ZFYVE21: variants seen among roughly 807,000 people sequenced by gnomAD.
The protein encoded by ZFYVE21 is zinc finger FYVE-type containing 21, also known as zinc finger FYVE domain-containing protein 21.
ZFYVE21 carries 21 observed loss-of-function variants against 29.5 expected under a neutral mutation model. That is an observed-to-expected ratio of 0.71 (90% CI 0.50 to 1.02). The LOEUF (loss-of-function observed/expected upper bound fraction) is 1.02, where lower values mean the gene tolerates loss of function less well. ZFYVE21 is among the 50% of genes least tolerant of loss of function. The pLI is 0.00. For synonymous variants in ZFYVE21, 151 were observed against 133.8 expected, an observed-to-expected ratio of 1.13 and a Z score of -0.89; for missense variants, 326 against 335.4, an observed-to-expected ratio of 0.97 and a Z score of 0.22.
rs918819299 is a variant in ZFYVE21, at chr14:103,733,371, A to C, written c.*353A>C. The stretch of plus-strand genomic sequence containing the variant: ...TGGCCCATCAATATTCATTTCATTT[A>C]ATTCTTCCACAGAACCAGTTTGGGC... On this transcript the variant is annotated 3_prime_UTR_variant, in exon 7 of 7. Coordinates refer to ENST00000311141, the MANE Select transcript of ZFYVE21 (RefSeq NM_024071.4). The C allele has an allele frequency of 9.5e-6, 2 of 210,902 alleles. No individual in the cohort carries two copies. The highest frequency in any genetic ancestry group is 9.6e-6 in the Non-Finnish European group (1 of 104,324). 13.1% of individuals were successfully genotyped at this position (210,902 alleles called of 1,614,324 possible). A position where few individuals can be genotyped will look rare whatever the true frequency, so the allele number is the denominator to read the frequency against.
At chr14:103,720,557 G>A (rs1477868199) in intron 1 of ZFYVE21, among the ~76,000 whole-genome samples, 2 of 152,066 alleles carry the variant, frequency 1.3e-5, no homozygotes, top group African/African-American at 4.8e-5. Flanking sequence ...CCTGAGACTT[G>A]GTTCTTTTTA....
intron 1 of ZFYVE21, among the ~76,000 whole-genome samples, chr14:103,717,738 G>A (rs190724672): frequency 8.2e-4 from 124 of 151,960 alleles, no homozygotes; most frequent in Non-Finnish European, 1.5e-3. Flanking sequence ...ACCATGTTTG[G>A]ATGATTAACT....
chr14:103,722,223 CTAATA>C (rs1410652551), intron 1 of ZFYVE21, among the ~76,000 whole-genome samples: 2 of 152,058 alleles, frequency 1.3e-5, no homozygotes, highest in African/African-American at 2.4e-5. Context: ...ATTTCTTTCA[CTAATA>C]TAATCAATAG....
chr14:103,732,588 T>G, intron 5 of ZFYVE21, 32 bp from the exon 6 acceptor site: 3 of 1,530,086 alleles, frequency 2.0e-6, no homozygotes, highest in Non-Finnish European at 2.6e-6. Flanking sequence ...AGGGCCTCCT[T>G]TGGGCCGTCT....
chr14:103,729,730 C>G, intron 5 of ZFYVE21: 1 of 1,527,354 alleles, frequency 6.5e-7, no homozygotes, highest in African/African-American at 1.4e-5. Context: ...TGCTTTCCTT[C>G]CGTTCTCTCA....
intron 4 of ZFYVE21, 41 bp downstream of exon 4, chr14:103,729,024 C>T: frequency 6.2e-7 from 1 of 1,613,730 alleles, no homozygotes; most frequent in Non-Finnish European, 8.5e-7. Flanking sequence ...AGCATTGTCA[C>T]AGACCGGGAG....
chr14:103,720,628 G>A (rs959226074), intron 1 of ZFYVE21, among the ~76,000 whole-genome samples: 10 of 152,114 alleles, frequency 6.6e-5, no homozygotes, highest in Admixed American at 3.3e-4. Context: ...ATATGGAGGC[G>A]CTTTTGGTTT....
Position 103,733,213 on chromosome 14 carries a change from A to G in ZFYVE21, c.*195A>G, listed in dbSNP as rs1162660903. 4 of 668,352 alleles carry G rather than the reference A, an allele frequency of 6.0e-6. No homozygotes were observed. The highest frequency in any genetic ancestry group is 1.0e-5 in the Non-Finnish European group (4 of 401,648). 41.4% of individuals were successfully genotyped at this position (668,352 alleles called of 1,614,324 possible). Reference sequence around the variant, plus strand: ...TTCACAGTTTATTAATGCTTTAAACAGCTTCATGTTTTAGAATTTGTGTAT... The same window carrying G: ...TTCACAGTTTATTAATGCTTTAAACGGCTTCATGTTTTAGAATTTGTGTAT... On this transcript the variant is annotated 3_prime_UTR_variant, in exon 7 of 7. Transcript: ENST00000311141.
intron 2 of ZFYVE21, chr14:103,727,367 G>GCCCCCCCCC: frequency 1.8e-4 from 24 of 133,740 alleles, no homozygotes; most frequent in South Asian, 5.9e-4. Context: ...CCTGCCCCCC[G>GCCCCCCCCC]CCCCCTCTGC....
chr14:103,727,366 C>T (rs1314758976), intron 2 of ZFYVE21: 1 of 355,566 alleles, frequency 2.8e-6, no homozygotes, highest in Admixed American at 3.9e-5. Flanking sequence ...ACCTGCCCCC[C>T]GCCCCCTCTG....
At chr14:103,729,786 G>A in intron 5 of ZFYVE21, 1 of 1,536,502 alleles carries the variant, frequency 6.5e-7, no homozygotes, top group South Asian at 1.2e-5. Flanking sequence ...CCACCTTCTT[G>A]CCATAGAAAA....
chr14:103,721,693 C>T (rs1373865393), intron 1 of ZFYVE21, among the ~76,000 whole-genome samples: 2 of 152,264 alleles, frequency 1.3e-5, no homozygotes, highest in Non-Finnish European at 2.9e-5. Context: ...CTCACTCTCC[C>T]TCTTCATCTC....
chr14:103,720,884 G>A (rs1195896461), intron 1 of ZFYVE21, among the ~76,000 whole-genome samples: 1 of 152,174 alleles, frequency 6.6e-6, no homozygotes, highest in Non-Finnish European at 1.5e-5. Context: ...GTGCAGTGGC[G>A]CGATCTCGGC....
intron 2 of ZFYVE21, 67 bp downstream of exon 2, chr14:103,726,909 T>A: frequency 6.6e-7 from 1 of 1,510,808 alleles, no homozygotes; most frequent in Non-Finnish European, 9.1e-7. Context: ...CAGCTGCCGC[T>A]GCCCCTTCTG....
At chr14:103,726,538 C>T (rs142219102) in intron 1 of ZFYVE21, 243 of 485,126 alleles carry the variant, frequency 5.0e-4, no homozygotes, top group Non-Finnish European at 7.9e-4. Flanking sequence ...AACCCCAAGC[C>T]CACCTCAGGC....
intron 5 of ZFYVE21, chr14:103,731,881 A>G (rs1410655391): frequency 6.6e-6 from 1 of 152,172 alleles, no homozygotes; most frequent in Non-Finnish European, 1.5e-5. Context: ...ACCAGCCCTG[A>G]CTGAAGAGCT....
At chr14:103,726,751 T>C (rs377693863) in intron 1 of ZFYVE21, 41 bp from the exon 2 acceptor site, 56 of 1,612,470 alleles carry the variant, frequency 3.5e-5, no homozygotes, top group Non-Finnish European at 4.8e-5. Flanking sequence ...ACGTGGTGAG[T>C]GACCAAGCTG....
At chr14:103,728,430 C>G (rs1172687627) in intron 3 of ZFYVE21, among the ~76,000 whole-genome samples, 1 of 152,176 alleles carries the variant, frequency 6.6e-6, no homozygotes, top group Non-Finnish European at 1.5e-5. Flanking sequence ...GTCCCAGCCT[C>G]CTGTCCCCTG....
In ZFYVE21 at chr14:103,720,368, GT is replaced by G. The variant is rs1347472463; in HGVS notation, c.138+4395del. Among the ~76,000 whole-genome samples the G allele has an allele frequency of 3.3e-5, 5 of 152,114 alleles. No homozygotes were observed. The East Asian group carries it at 9.6e-4, about 29-fold the overall frequency. Reference sequence around the variant, plus strand: ...GTGCATTGATACATGCATTTAAATTGTTTTTTGATTGGCGAGTTCTTGGGGG... The same window carrying G: ...GTGCATTGATACATGCATTTAAATTGTTTTTGATTGGCGAGTTCTTGGGGG... On this transcript the variant is annotated intron_variant, in intron 1 of 6. Coordinates refer to ENST00000311141, the MANE Select transcript of ZFYVE21 (RefSeq NM_024071.4).
Sources: gnomAD v4.1 joint callset for allele counts (sites outside exome capture counted in the v4.1 genomes callset) on GRCh38, gnomAD v4.1.1 for gene constraint, MANE v1.5 for transcripts, NCBI Gene and HGNC (gene_info 2026-07-23, HGNC 2026-07-21) for gene names.